The following CSMD1 variants were observed in gnomAD, a reference collection of about 807,000 sequenced individuals.
The protein encoded by CSMD1 is CUB and Sushi multiple domains 1, also known as CUB and sushi domain-containing protein 1.
CSMD1 carries 213 observed loss-of-function variants against 417.5 expected under a neutral mutation model. The ratio of observed to expected loss-of-function variants is 0.51; its 90% CI spans 0.46 to 0.57. CSMD1 has a LOEUF of 0.57. CSMD1 is among the 20% of genes least tolerant of loss of function. CSMD1 has a pLI of 0.00. For synonymous variants in CSMD1, 2,862 were observed against 1,736.8 expected (o/e 1.65, Z -16.11); for missense variants, 6,923 against 4,529.7 (o/e 1.53, Z -15.17).
chr8:4,390,163 T>C (rs1265945828), intron 3 of CSMD1, among the ~76,000 whole-genome samples: 1 of 152,226 alleles, frequency 6.6e-6, no homozygotes, highest in Non-Finnish European at 1.5e-5. Context: ...CCCATTGTGT[T>C]TTAATTTGCA....
intron 1 of CSMD1, among the ~76,000 whole-genome samples, chr8:4,915,684 T>C (rs914083866): frequency 3.3e-5 from 5 of 152,174 alleles, no homozygotes; most frequent in Admixed American, 2.0e-4. Context: ...CCGGCGGCAG[T>C]GGATTTCGGG....
intron 3 of CSMD1, among the ~76,000 whole-genome samples, chr8:4,383,865 A>T (rs1166998945): frequency 1.3e-5 from 2 of 152,250 alleles, no homozygotes; most frequent in Non-Finnish European, 2.9e-5. Context: ...ACAGAATTTT[A>T]AAGAAGAAAA....
At position 4,331,950 on chromosome 8, in the gene CSMD1, G is replaced by A. The variant is rs577816995; in HGVS notation, c.415+88003C>T. On this transcript the variant is annotated intron_variant, in intron 3 of 69. Transcript: ENST00000635120. ...TTACAGTCTCCATGACCATGGCATT[G>A]GAATTCATTTTCATTTTTATGCAAA... is the stretch of plus-strand genomic sequence containing the variant. Among the ~76,000 whole-genome samples the A allele has an allele frequency of 1.8e-4, 27 of 152,166 alleles. No homozygotes were observed. The East Asian group carries it at 2.5e-3, about 14-fold the overall frequency.
At chr8:4,802,165 T>A (rs17071406) in intron 1 of CSMD1, among the ~76,000 whole-genome samples, 10,246 of 152,232 alleles carry the variant, frequency 0.067, 563 homozygotes, top group East Asian at 0.23. Flanking sequence ...ACAAAGGAAC[T>A]CATTTAGATT....
intron 12 of CSMD1, among the ~76,000 whole-genome samples, chr8:3,425,916 T>C (rs1813809575): frequency 6.6e-6 from 1 of 152,124 alleles, no homozygotes; most frequent in South Asian, 2.1e-4. Flanking sequence ...AGGTGAGTAA[T>C]GGAATCTGCA....
intron 1 of CSMD1, among the ~76,000 whole-genome samples, chr8:4,695,218 C>A (rs1408396496): frequency 6.6e-6 from 1 of 152,068 alleles, no homozygotes; most frequent in African/African-American, 2.4e-5. Context: ...CTATGGAAAG[C>A]TTGCCTGTCT....
At chr8:3,913,005 T>G (rs905619421) in intron 5 of CSMD1, among the ~76,000 whole-genome samples, 3 of 152,002 alleles carry the variant, frequency 2.0e-5, no homozygotes, top group Non-Finnish European at 4.4e-5. Flanking sequence ...TACGCACTGG[T>G]GACTATAATG....
At chr8:4,134,154 C>T (rs1258947010) in intron 3 of CSMD1, among the ~76,000 whole-genome samples, 2 of 152,096 alleles carry the variant, frequency 1.3e-5, no homozygotes, top group African/African-American at 4.8e-5. Flanking sequence ...GACATTGAAA[C>T]TCATGTGTAT....
chr8:3,815,268 T>C (rs1392568104), intron 5 of CSMD1, among the ~76,000 whole-genome samples: 1 of 152,156 alleles, frequency 6.6e-6, no homozygotes, highest in African/African-American at 2.4e-5. Context: ...TGAGGATGTG[T>C]CATTGATAAC....
At chr8:4,681,387 C>G (rs1292744987) in intron 1 of CSMD1, among the ~76,000 whole-genome samples, 1 of 152,184 alleles carries the variant, frequency 6.6e-6, no homozygotes, top group Non-Finnish European at 1.5e-5. Context: ...TTCTTGCTGT[C>G]TCTTCAGTAT....
intron 5 of CSMD1, among the ~76,000 whole-genome samples, chr8:3,766,786 T>C (rs188139865): frequency 1.3e-5 from 2 of 152,302 alleles, no homozygotes; most frequent in Non-Finnish European, 1.5e-5. Context: ...TTTTTCTCCT[T>C]AATCTTGGGA....
chr8:4,627,645 C>T (rs1299370040), intron 2 of CSMD1, among the ~76,000 whole-genome samples: 1 of 152,114 alleles, frequency 6.6e-6, no homozygotes, highest in East Asian at 1.9e-4. Context: ...CCAACATCAC[C>T]TCCCATTCCT....
intron 5 of CSMD1, among the ~76,000 whole-genome samples, chr8:3,970,184 G>C (rs1463562291): frequency 1.4e-5 from 2 of 143,240 alleles, no homozygotes; most frequent in Non-Finnish European, 1.6e-5. Context: ...GGAACCTCTT[G>C]AACAAGGGAC....
intron 1 of CSMD1, among the ~76,000 whole-genome samples, chr8:4,848,335 G>A (rs1306269562): frequency 6.6e-6 from 1 of 152,094 alleles, no homozygotes; most frequent in Non-Finnish European, 1.5e-5. Flanking sequence ...CCACCTTTTG[G>A]TCAAGGATGG....
chr8:3,784,788 A>G (rs546579298), intron 5 of CSMD1, among the ~76,000 whole-genome samples: 1 of 152,364 alleles, frequency 6.6e-6, no homozygotes, highest in African/African-American at 2.4e-5. Flanking sequence ...ACTCATATTT[A>G]CATCATGTTG....
chr8:3,020,429 C>G (rs749016384), intron 51 of CSMD1, among the ~76,000 whole-genome samples: 1 of 152,158 alleles, frequency 6.6e-6, no homozygotes, highest in Non-Finnish European at 1.5e-5. Flanking sequence ...TGCAGTGGTA[C>G]AATTGTAGCT....
chr8:4,941,263 G>A (rs1807979373), intron 1 of CSMD1, among the ~76,000 whole-genome samples: 1 of 114,114 alleles, frequency 8.8e-6, no homozygotes, highest in African/African-American at 2.7e-5. Context: ...TTCAAACACA[G>A]TAACATTCTT....
At chr8:4,732,104 A>G (rs190556924) in intron 1 of CSMD1, among the ~76,000 whole-genome samples, 8 of 152,112 alleles carry the variant, frequency 5.3e-5, no homozygotes, top group Non-Finnish European at 1.5e-5. Context: ...CCTTATCTTC[A>G]TTTCACAGAT....
chr8:4,047,487 C>T (rs1367420593), intron 3 of CSMD1, among the ~76,000 whole-genome samples: 1 of 151,870 alleles, frequency 6.6e-6, no homozygotes, highest in African/African-American at 2.4e-5. Flanking sequence ...TTAGTGGTAG[C>T]GTAAATGCAG....
Sources: gnomAD v4.1 joint callset for allele counts (sites outside exome capture counted in the v4.1 genomes callset) on GRCh38, gnomAD v4.1.1 for gene constraint, MANE v1.5 for transcripts, NCBI Gene and HGNC (gene_info 2026-07-23, HGNC 2026-07-21) for gene names.